Variants in VIM observed in about 807,000 individuals in gnomAD.
VIM encodes the protein vimentin.
VIM carries 18 observed loss-of-function variants against 50.3 expected under a neutral mutation model. The observed-to-expected ratio is 0.36, with a 90% confidence interval of 0.25 to 0.53. The LOEUF (loss-of-function observed/expected upper bound fraction) is 0.53, where lower values mean the gene tolerates loss of function less well. VIM is among the 20% of genes least tolerant of loss of function. The pLI, the probability that VIM is intolerant of heterozygous loss-of-function variation, is 0.91. For synonymous variants in VIM, 245 were observed against 248.5 expected, an observed-to-expected ratio of 0.99 and a Z score of 0.13; for missense variants, 551 against 614.7, an observed-to-expected ratio of 0.90 and a Z score of 1.10.
chr10:17,231,944 A>T (rs988282537), intron 3 of VIM, among the ~76,000 whole-genome samples: 1 of 152,182 alleles, frequency 6.6e-6, no homozygotes, highest in Admixed American at 6.5e-5. Context: ...ACATTTTGAA[A>T]CTGAAATACA....
rs1846717685 is a variant in VIM, at chr10:17,228,467, G to A, written c.-205G>A. On this transcript the variant is annotated 5_prime_UTR_variant, in exon 1 of 10. Transcript: ENST00000544301. ...GCCCGCTGAGACTTGAATCAATCTG[G>A]TCTAACGGTTTCCCCTAAACCGCTA... 1 of 152,262 alleles carries A rather than the reference G, an allele frequency of 6.6e-6. No homozygotes were observed. The highest frequency in any genetic ancestry group is 2.1e-4 in the South Asian group (1 of 4,846). The allele number at this position is 152,262 out of a possible 1,614,324, so 9.4% of individuals were successfully genotyped here. A position where few individuals can be genotyped will look rare whatever the true frequency, so the allele number is the denominator to read the frequency against.
intron 3 of VIM, among the ~76,000 whole-genome samples, chr10:17,231,397 A>G (rs920823928): frequency 2.0e-5 from 3 of 152,186 alleles, no homozygotes; most frequent in African/African-American, 7.2e-5. Context: ...AGGGGTATTA[A>G]TGGTTTCTAT....
rs1846838234 is a variant in VIM, at chr10:17,233,828, T to C, written c.779T>C (p.Val260Ala). Residue 260 changes from valine (V) to alanine (A), a missense_variant, in exon 5 of 10, where the codon GTT becomes GCT. Val to Ala is a moderately conservative substitution (Grantham distance 64). Coordinates refer to ENST00000544301, the MANE Select transcript of VIM (RefSeq NM_003380.5). ...CAGCATGTCCAAATCGATGTGGATG[T>C]TTCCAAGCCTGACCTCACGGCTGCC... Reference protein sequence around the residue: ...QEQHVQIDVDVSKPDLTAALR... With the variant: ...QEQHVQIDVDASKPDLTAALR... 6.2e-7 allele frequency: 1 copy of C among 1,614,020 alleles called. No individual in the cohort carries two copies.
At chr10:17,230,216 G>T (rs879855027) in intron 2 of VIM, 3 of 608,364 alleles carry the variant, frequency 4.9e-6, no homozygotes, top group Non-Finnish European at 8.6e-6. Context: ...GCCCAAGGAC[G>T]CTCCGTTTCA....
intron 7 of VIM, 180 bp from the exon 8 acceptor site, chr10:17,235,666 A>C: frequency 1.4e-6 from 1 of 726,730 alleles, no homozygotes; most frequent in Non-Finnish European, 2.3e-6. Context: ...GCTTGTAGTA[A>C]CATATTTTAA....
chr10:17,230,629 G>T (rs540797579), intron 2 of VIM, 21 bp from the exon 3 acceptor site: 2 of 1,613,932 alleles, frequency 1.2e-6, no homozygotes, highest in African/African-American at 1.3e-5. Context: ...TTCCCCTTTG[G>T]TTAATGCGCA....
intron 3 of VIM, 63 bp from the exon 4 acceptor site, chr10:17,233,520 CAAAT>C (rs1214714023): frequency 3.3e-6 from 5 of 1,503,722 alleles, no homozygotes; most frequent in East Asian, 4.6e-5. Context: ...TAATCTAAGA[CAAAT>C]AAATGAGATA....
intron 8 of VIM, 29 bp from the exon 9 acceptor site, chr10:17,236,265 A>G (rs200106327): frequency 4.0e-6 from 6 of 1,501,240 alleles, no homozygotes; most frequent in East Asian, 2.3e-5. Context: ...ACTCGTTTTT[A>G]CTCATTTTTG....
intron 7 of VIM, 155 bp from the exon 8 acceptor site, chr10:17,235,691 C>A: frequency 1.3e-6 from 1 of 793,888 alleles, no homozygotes; most frequent in South Asian, 1.5e-5. Context: ...ACTAACAAGA[C>A]CAGTCATGGG....
intron 5 of VIM, chr10:17,234,196 A>G (rs1182176848): frequency 2.4e-5 from 10 of 417,218 alleles, no homozygotes; most frequent in Non-Finnish European, 4.4e-5. Flanking sequence ...GCACACTGCA[A>G]CCTCCGCCTC....
chr10:17,230,018 C>T (rs1564372692), intron 2 of VIM, 33 bp downstream of exon 2: 1 of 1,582,028 alleles, frequency 6.3e-7, no homozygotes, highest in Non-Finnish European at 8.6e-7. Context: ...AGCTGGGCCT[C>T]GGGAGGGGGC....
rs1434157425 is a variant in VIM, at chr10:17,229,966, A to G, written c.544A>G (p.Ile182Val). The change falls in exon 2 of 10, where the codon ATC (isoleucine) becomes GTC (valine). Residue 182 changes from isoleucine (I) to valine (V), a missense_variant. Ile to Val is a conservative substitution (Grantham distance 29). This residue lies in a region of VIM where 394 missense variants were observed against 437.5 expected (regional missense o/e 0.90). Transcript: ENST00000544301. ...EVERDNLAED[I>V]MRLREKLQEE... is the part of the protein sequence containing the mutation. ...GGAGCGCGACAACCTGGCCGAGGAC[A>G]TCATGCGCCTCCGGGAGAAGTAAGG... The G allele has an allele frequency of 1.2e-6, 2 of 1,612,090 alleles. No homozygotes were observed. Among genetic ancestry groups the G allele is most frequent in the African/African-American group, 2.7e-5 (2 of 74,940 alleles).
rs199515026 is a variant in VIM at position 17,233,863 on chromosome 10, G to A, written c.814G>A (p.Val272Ile). 1.3e-4 allele frequency: 217 copies of A among 1,614,028 alleles called. No individual in the cohort carries two copies. Among genetic ancestry groups the A allele is most frequent in the Non-Finnish European group, 1.6e-4 (194 of 1,180,032 alleles). The part of the protein sequence containing the change: ...KPDLTAALRD[V>I]RQQYESVAAK... ...TGACCTCACGGCTGCCCTGCGTGAC[G>A]TACGTCAGCAATATGAAAGTGTGGC... Residue 272 changes from valine (V) to isoleucine (I), a missense_variant, in exon 5 of 10, where the codon GTA (valine) becomes ATA (isoleucine). Coordinates refer to ENST00000544301, the MANE Select transcript of VIM (RefSeq NM_003380.5).
chr10:17,234,327 C>T (rs1846849909), intron 5 of VIM, among the ~76,000 whole-genome samples: 1 of 152,088 alleles, frequency 6.6e-6, no homozygotes, highest in African/African-American at 2.4e-5. Flanking sequence ...GTTGACCAGG[C>T]TTCTCTCAAA....
chr10:17,236,462 A>G (rs1458878943), intron 9 of VIM, 83 bp downstream of exon 9: 2 of 1,165,068 alleles, frequency 1.7e-6, no homozygotes, highest in Non-Finnish European at 2.6e-6. Flanking sequence ...AATCTCAGAT[A>G]CAGCTGGCTA....
chr10:17,236,103 A>G (rs1846884610), intron 8 of VIM, 191 bp from the exon 9 acceptor site: 5 of 718,262 alleles, frequency 7.0e-6, no homozygotes, highest in Non-Finnish European at 1.2e-5. Flanking sequence ...TGCAAGTACT[A>G]TCTCATCCTG....
In VIM at chr10:17,237,257, G is replaced by T; in HGVS notation, c.1387G>T (p.Asp463Tyr). Residue 463 changes from aspartate to tyrosine, a missense_variant, in exon 10 of 10, where the codon GAT becomes TAT. By Grantham distance (160) the Asp-to-Tyr change is radical (BLOSUM62 -3). Around this residue, in one of 3 missense-constraint regions of VIM, gnomAD observed 394 missense variants for 437.5 expected, o/e 0.90. Transcript: ENST00000544301. The part of the protein sequence containing the change: ...QVINETSQHH[D>Y]DLE Reference sequence around the variant, plus strand: ...TATCAACGAAACTTCTCAGCATCACGATGACCTTGAATAAAAATTGCACAC... The same window carrying T: ...TATCAACGAAACTTCTCAGCATCACTATGACCTTGAATAAAAATTGCACAC... 6.2e-7 allele frequency: 1 copy of T among 1,605,986 alleles called. No individual in the cohort carries two copies.
Position 17,237,541 on chromosome 10 carries a change from C to T in VIM, c.*270C>T, listed in dbSNP as rs1588737550. The T allele has an allele frequency of 8.0e-6, 3 of 376,204 alleles. No homozygotes were observed. Among genetic ancestry groups the T allele is most frequent in the East Asian group, 8.8e-5 (2 of 22,702 alleles). The allele number at this position is 376,204 out of a possible 1,614,324, so 23.3% of individuals were successfully genotyped here. On this transcript the variant is annotated 3_prime_UTR_variant, in exon 10 of 10. Transcript: ENST00000544301. ...ACCATTAAAACTGCTTTTTTTTTTC[C>T]AGCAAGTATCCAACCAACTTGGTTC...
rs951519538 is a variant in VIM at position 17,237,476 on chromosome 10, A to T, written c.*205A>T. ...TTACAACATAATCTAGTTTACAGAAAAATCTTGTGCTAGAATACTTTTTAA... is the reference window on the plus strand; with the variant it reads ...TTACAACATAATCTAGTTTACAGAATAATCTTGTGCTAGAATACTTTTTAA... On this transcript the variant is annotated 3_prime_UTR_variant, in exon 10 of 10. Transcript: ENST00000544301. 3.6e-6 allele frequency: 2 copies of T among 557,742 alleles called. No homozygotes were observed. Among genetic ancestry groups the T allele is most frequent in the African/African-American group, 3.8e-5 (2 of 52,630 alleles). The allele number at this position is 557,742 out of a possible 1,614,324, so 34.5% of individuals were successfully genotyped here.
Sources: allele counts gnomAD v4.1 joint callset (sites outside exome capture counted in the v4.1 genomes callset), GRCh38; gene constraint gnomAD v4.1.1; regional missense constraint gnomAD v4.1.1; transcripts MANE v1.5; gene names NCBI Gene and HGNC (gene_info 2026-07-23, HGNC 2026-07-21).